AFF1: variants seen among roughly 807,000 people sequenced by gnomAD.
AFF1 encodes AF4/FMR2 family member 1.
In AFF1, 48 loss-of-function variants were observed where a neutral mutation model predicts 121.7. That is an observed-to-expected ratio of 0.39 (90% CI 0.31 to 0.50). The LOEUF (loss-of-function observed/expected upper bound fraction) is 0.50. Among genes scored for constraint, AFF1 ranks in the 20% least tolerant of loss-of-function variants. The pLI is 0.76. For missense variants in AFF1, 1,523 were observed against 1,511.7 expected, an observed-to-expected ratio of 1.01 and a Z score of -0.12; for synonymous variants, 613 against 563.0, an observed-to-expected ratio of 1.09 and a Z score of -1.26.
At chr4:87,075,373 T>C (rs1370627943) in intron 4 of AFF1, among the ~76,000 whole-genome samples, 4 of 152,192 alleles carry the variant, frequency 2.6e-5, no homozygotes, top group Non-Finnish European at 5.9e-5. Flanking sequence ...TGTACACATA[T>C]ATACACACGT....
intron 2 of AFF1, among the ~76,000 whole-genome samples, chr4:86,995,681 G>T (rs1245756908): frequency 9.3e-5 from 14 of 151,234 alleles, no homozygotes; most frequent in Non-Finnish European, 1.8e-4. Flanking sequence ...CCTCCCAGCA[G>T]CCTGCCTTGG....
intron 2 of AFF1, among the ~76,000 whole-genome samples, chr4:87,030,690 A>T (rs1037315486): frequency 6.6e-6 from 1 of 151,736 alleles, no homozygotes; most frequent in Admixed American, 6.6e-5. Context: ...CACATTGTTA[A>T]TGTTGGCTCA....
chr4:87,041,033 G>A (rs1264966890), intron 2 of AFF1, among the ~76,000 whole-genome samples: 1 of 151,276 alleles, frequency 6.6e-6, no homozygotes, highest in Non-Finnish European at 1.5e-5. Context: ...GCGCCACCAC[G>A]CCCAGCTAAT....
chr4:87,023,072 A>G (rs1334424938), intron 2 of AFF1, among the ~76,000 whole-genome samples: 5 of 151,920 alleles, frequency 3.3e-5, no homozygotes, highest in African/African-American at 1.2e-4. Flanking sequence ...ATGCCCAGCT[A>G]ATTTTTAATT....
chr4:87,010,400 C>T (rs1424123234), intron 2 of AFF1, among the ~76,000 whole-genome samples: 2 of 152,168 alleles, frequency 1.3e-5, no homozygotes, highest in African/African-American at 4.8e-5. Flanking sequence ...TGTCTGGGCT[C>T]TCAGATAAGT....
At chr4:87,067,112 A>G (rs1051539022) in intron 4 of AFF1, among the ~76,000 whole-genome samples, 5 of 152,234 alleles carry the variant, frequency 3.3e-5, no homozygotes, top group African/African-American at 1.2e-4. Context: ...TTCATGAAAT[A>G]AAAGTTTGGT....
At chr4:87,104,489 T>C (rs1197259193) in intron 8 of AFF1, among the ~76,000 whole-genome samples, 1 of 152,238 alleles carries the variant, frequency 6.6e-6, no homozygotes, top group Non-Finnish European at 1.5e-5. Context: ...TTTAGAAACT[T>C]ATCCCAGTAT....
intron 16 of AFF1, 116 bp downstream of exon 16, chr4:87,127,819 G>A: frequency 1.9e-6 from 2 of 1,060,900 alleles, no homozygotes; most frequent in South Asian, 1.5e-5. Flanking sequence ...GTGGAAGGAG[G>A]GGGTGCAGCA....
intron 12 of AFF1, among the ~76,000 whole-genome samples, chr4:87,119,872 T>G (rs1313035929): frequency 1.3e-5 from 2 of 152,214 alleles, no homozygotes; most frequent in African/African-American, 4.8e-5. Context: ...AGGGAAGTTA[T>G]GATGTGTAGT....
At chr4:87,126,452 G>A in intron 14 of AFF1, 116 bp downstream of exon 14, 3 of 948,162 alleles carry the variant, frequency 3.2e-6, no homozygotes, top group Non-Finnish European at 4.8e-6. Flanking sequence ...CTTTTAATGA[G>A]GCAACTGTTT....
At chr4:87,062,004 C>G (rs1253571675) in intron 4 of AFF1, among the ~76,000 whole-genome samples, 1 of 152,080 alleles carries the variant, frequency 6.6e-6, no homozygotes, top group East Asian at 1.9e-4. Flanking sequence ...ATACGGAAAA[C>G]AAAATACTAA....
chr4:86,949,651 A>T, intron 2 of AFF1: 1 of 1,526,426 alleles, frequency 6.6e-7, no homozygotes, highest in Non-Finnish European at 8.8e-7. Flanking sequence ...GCTGAGCCTC[A>T]GCAGGGGTGA....
intron 5 of AFF1, among the ~76,000 whole-genome samples, chr4:87,085,827 C>A (rs1019780826): frequency 2.0e-5 from 3 of 151,746 alleles, no homozygotes; most frequent in Admixed American, 6.6e-5. Context: ...CAATCTCCAC[C>A]TCCTGGGTTC....
At position 87,138,027 on chromosome 4, in the gene AFF1, G is replaced by GT. The variant is rs1224858950; in HGVS notation, c.*2326_*2327insT. On this transcript the variant is annotated 3_prime_UTR_variant, in exon 21 of 21. Transcript: ENST00000395146. The stretch of plus-strand genomic sequence containing the variant: ...TTTTTCAGTGGCCTTACTCTTTGTG[G>GT]GTTTTTTTTTTTTTCTCTGAACTTG... 3.4e-5 allele frequency: 7 copies of GT among 205,744 alleles called. No homozygotes were observed. The highest frequency in any genetic ancestry group is 1.9e-4 in the East Asian group (3 of 16,052). 12.7% of individuals were successfully genotyped at this position (205,744 alleles called of 1,614,324 possible). A position where few individuals can be genotyped will look rare whatever the true frequency, so the allele number is the denominator to read the frequency against.
chr4:87,131,236 T>C lies in AFF1; in HGVS notation c.3101+17T>C, dbSNP rs1383308399. The C allele has an allele frequency of 1.9e-6, 3 of 1,613,490 alleles. No homozygotes were observed. Among genetic ancestry groups the C allele is most frequent in the Non-Finnish European group, 2.5e-6 (3 of 1,179,810 alleles). On this transcript the variant is annotated intron_variant, in intron 17 of 20. Transcript: ENST00000395146. The stretch of plus-strand genomic sequence containing the variant: ...TCTCATTAAGTAAGTGCCGAGTCAT[T>C]GTGCTTTCCTCTTAAGTCCTTTTCT...
At chr4:86,999,816 G>C (rs972458300) in intron 2 of AFF1, among the ~76,000 whole-genome samples, 1 of 152,194 alleles carries the variant, frequency 6.6e-6, no homozygotes, top group Non-Finnish European at 1.5e-5. Context: ...ACTTCTCTTG[G>C]TGTAAGAAGC....
intron 11 of AFF1, among the ~76,000 whole-genome samples, chr4:87,112,110 G>A (rs1044227965): frequency 1.3e-5 from 2 of 152,206 alleles, no homozygotes; most frequent in East Asian, 1.9e-4. Context: ...CTTTGTGCCT[G>A]ATGTGATTGG....
intron 2 of AFF1, among the ~76,000 whole-genome samples, chr4:86,987,216 ATAT>A (rs1370248241): frequency 6.6e-6 from 1 of 152,198 alleles, no homozygotes; most frequent in Non-Finnish European, 1.5e-5. Flanking sequence ...TCTAGCTGTT[ATAT>A]AATAGCCACT....
intron 4 of AFF1, among the ~76,000 whole-genome samples, chr4:87,053,082 C>T (rs1274639411): frequency 1.3e-5 from 2 of 152,096 alleles, no homozygotes; most frequent in Non-Finnish European, 2.9e-5. Flanking sequence ...GGGAAAATGT[C>T]AGAACTGAAA....
Sources: allele counts gnomAD v4.1 joint callset (sites outside exome capture counted in the v4.1 genomes callset), GRCh38; gene constraint gnomAD v4.1.1; transcripts MANE v1.5; gene names NCBI Gene and HGNC (gene_info 2026-07-23, HGNC 2026-07-21).